TMTC2: variants seen among roughly 807,000 people sequenced by gnomAD.
The protein encoded by TMTC2 is transmembrane O-mannosyltransferase targeting cadherins 2.
TMTC2 carries 43 observed loss-of-function variants against 82.4 expected under a neutral mutation model. The ratio of observed to expected loss-of-function variants is 0.52; its 90% CI spans 0.41 to 0.67. TMTC2 has a LOEUF of 0.67. Ranked by LOEUF, TMTC2 falls within the 30% of genes least tolerant of loss-of-function variation. The pLI is 0.00. For synonymous variants in TMTC2, 408 were observed against 381.9 expected (o/e 1.07, Z -0.80); for missense variants, 919 against 1,012.4 (o/e 0.91, Z 1.25).
intron 11 of TMTC2, among the ~76,000 whole-genome samples, chr12:83,067,292 A>G (rs1403368162): frequency 6.6e-6 from 1 of 152,000 alleles, no homozygotes; most frequent in Non-Finnish European, 1.5e-5. Context: ...TGGGTGGTGT[A>G]AGACTTATGC....
intron 3 of TMTC2, among the ~76,000 whole-genome samples, chr12:82,912,068 T>A (rs867994262): frequency 6.6e-6 from 1 of 152,212 alleles, no homozygotes; most frequent in African/African-American, 2.4e-5. Context: ...CTTTCAGTGA[T>A]CTTAAACAGC....
At chr12:83,097,426 C>A (rs368859350) in intron 11 of TMTC2, among the ~76,000 whole-genome samples, 28 of 152,220 alleles carry the variant, frequency 1.8e-4, no homozygotes, top group African/African-American at 6.7e-4. Context: ...TTTATTTTTC[C>A]CTTGGGCTCA....
At chr12:83,072,616 C>A (rs1007025375) in intron 11 of TMTC2, among the ~76,000 whole-genome samples, 3 of 152,136 alleles carry the variant, frequency 2.0e-5, no homozygotes, top group South Asian at 2.1e-4. Flanking sequence ...AAGTCCCCCA[C>A]TATTACTATG....
chr12:83,119,979 A>C lies in TMTC2; in HGVS notation c.2332-12231A>C, dbSNP rs76839442. On this transcript the variant is annotated intron_variant, in intron 11 of 11. Transcript: ENST00000321196. ...CCCCTCCTGCTCACTTTTGGTGTCC[A>C]TTTGCGTCAAATGTCTTTTTCTACC... Among the ~76,000 whole-genome samples the C allele has an allele frequency of 6.8e-3, 1,041 of 152,196 alleles. 12 individuals carry two copies. The highest frequency in any genetic ancestry group is 0.024 in the African/African-American group (993 of 41,512).
At chr12:82,732,239 T>A (rs1225712985) in intron 1 of TMTC2, among the ~76,000 whole-genome samples, 1 of 152,220 alleles carries the variant, frequency 6.6e-6, no homozygotes. Context: ...TATTGATTGA[T>A]CTTTCTACAG....
At chr12:83,114,578 CTGAG>C (rs1168948473) in intron 11 of TMTC2, among the ~76,000 whole-genome samples, 1 of 152,128 alleles carries the variant, frequency 6.6e-6, no homozygotes, top group Non-Finnish European at 1.5e-5. Flanking sequence ...ATTTTTAAAA[CTGAG>C]TATTTTTAAT....
At chr12:82,822,877 C>T (rs1869197589) in intron 1 of TMTC2, among the ~76,000 whole-genome samples, 1 of 152,154 alleles carries the variant, frequency 6.6e-6, no homozygotes, top group Non-Finnish European at 1.5e-5. Flanking sequence ...ACGTGGTAGT[C>T]TAGTCTGATG....
At chr12:82,838,826 G>C (rs1377257749) in intron 1 of TMTC2, among the ~76,000 whole-genome samples, 2 of 150,004 alleles carry the variant, frequency 1.3e-5, no homozygotes, top group Non-Finnish European at 1.5e-5. Context: ...TGGCTTTATG[G>C]TGTACTTTTG....
chr12:82,796,982 C>A (rs1878749967), intron 1 of TMTC2, among the ~76,000 whole-genome samples: 1 of 152,026 alleles, frequency 6.6e-6, no homozygotes, highest in Non-Finnish European at 1.5e-5. Context: ...GCTATAATAA[C>A]AATTATTTAA....
chr12:83,018,001 C>T (rs999822478), intron 8 of TMTC2, among the ~76,000 whole-genome samples: 13 of 140,494 alleles, frequency 9.3e-5, no homozygotes, highest in African/African-American at 3.1e-4. Context: ...CTGAAGCTTC[C>T]TCATATATAT....
At chr12:82,867,991 C>G (rs544552867) in intron 2 of TMTC2, among the ~76,000 whole-genome samples, 1 of 152,184 alleles carries the variant, frequency 6.6e-6, no homozygotes, top group Non-Finnish European at 1.5e-5. Context: ...AATAGAAACT[C>G]GGTCATTTTC....
Position 82,750,156 on chromosome 12 carries a change from T to A in TMTC2, c.83+62487T>A, listed in dbSNP as rs2136964643. On this transcript the variant is annotated intron_variant, in intron 1 of 11. Coordinates refer to ENST00000321196, the MANE Select transcript of TMTC2 (RefSeq NM_152588.3). ...GGCTCACTACATACTTATTTGTAGT[T>A]TTTTTTCTCATTCCTTTAATTGTAT... Among the ~76,000 whole-genome samples, 2 of 152,134 alleles carry A rather than the reference T, an allele frequency of 1.3e-5. 1 individual carries two copies. The highest frequency in any genetic ancestry group is 6.8e-3 in the Middle Eastern group (2 of 294).
At chr12:82,941,467 A>C (rs1876715158) in intron 4 of TMTC2, among the ~76,000 whole-genome samples, 1 of 152,238 alleles carries the variant, frequency 6.6e-6, no homozygotes, top group African/African-American at 2.4e-5. Context: ...AATTAATGAG[A>C]TAATAAACTA....
chr12:82,729,640 GCT>G (rs1874663033), intron 1 of TMTC2, among the ~76,000 whole-genome samples: 1 of 152,192 alleles, frequency 6.6e-6, no homozygotes, highest in Non-Finnish European at 1.5e-5. Context: ...GGACCAATCA[GCT>G]CTCTGTAAAA....
At chr12:82,760,700 A>G (rs1345668364) in intron 1 of TMTC2, among the ~76,000 whole-genome samples, 2 of 152,010 alleles carry the variant, frequency 1.3e-5, no homozygotes, top group African/African-American at 4.8e-5. Context: ...ACAGCCACTC[A>G]CCATTGCTGG....
chr12:82,854,826 AC>A (rs1277761272), intron 1 of TMTC2, among the ~76,000 whole-genome samples: 1 of 152,168 alleles, frequency 6.6e-6, no homozygotes, highest in Admixed American at 6.5e-5. Context: ...GGTATTTGGC[AC>A]ATTGTATATA....
At chr12:82,789,653 C>G (rs764011369) in intron 1 of TMTC2, among the ~76,000 whole-genome samples, 5 of 152,104 alleles carry the variant, frequency 3.3e-5, no homozygotes. Context: ...TGAACAAAGG[C>G]AGAGAATCTA....
intron 8 of TMTC2, among the ~76,000 whole-genome samples, chr12:82,996,276 T>G (rs7968747): frequency 0.12 from 17,871 of 152,164 alleles, 1,952 homozygotes; most frequent in African/African-American, 0.29. Context: ...GAACCATTAT[T>G]ATACTCCACA....
At chr12:82,816,990 G>A (rs529446731) in intron 1 of TMTC2, among the ~76,000 whole-genome samples, 1 of 139,844 alleles carries the variant, frequency 7.2e-6, no homozygotes, top group Non-Finnish European at 1.5e-5. Flanking sequence ...TTTTTGAGAT[G>A]GAGTTTCACT....
Sources: allele counts gnomAD v4.1 joint callset (sites outside exome capture counted in the v4.1 genomes callset), GRCh38; gene constraint gnomAD v4.1.1; transcripts MANE v1.5; gene names NCBI Gene and HGNC (gene_info 2026-07-23, HGNC 2026-07-21).